The following TMEM161B variants were observed in gnomAD, a reference collection of about 807,000 sequenced individuals.
The protein encoded by TMEM161B is transmembrane protein 161B.
In TMEM161B, 34 loss-of-function variants were observed where a neutral mutation model predicts 61.8. The observed-to-expected ratio is 0.55, with a 90% CI of 0.42 to 0.73. The LOEUF (loss-of-function observed/expected upper bound fraction) is 0.73, where lower values mean the gene tolerates loss of function less well. Ranked by LOEUF, TMEM161B falls within the 30% of genes least tolerant of loss-of-function variation. TMEM161B has a pLI of 0.00. For synonymous variants in TMEM161B, 167 were observed against 192.8 expected (o/e 0.87, Z 1.11); for missense variants, 456 against 558.5 (o/e 0.82, Z 1.85).
At position 88,196,448 on chromosome 5, in the gene TMEM161B, G is replaced by A; in HGVS notation, c.1227C>T (p.Thr409=). The change falls in exon 12 of 12, where the codon ACC becomes ACT. Residue 409 remains threonine (T), a synonymous_variant. Transcript: ENST00000296595. ...ACAGTAGACTATTATCCACTGGTAAGGTAGAGATAGATTCTGGATAAATAC... is the reference window on the plus strand; with the variant it reads ...ACAGTAGACTATTATCCACTGGTAAAGTAGAGATAGATTCTGGATAAATAC... ...SWGIYPESIS[T]LPVDNSLLSN... is the part of the protein sequence containing the mutation. The A allele has an allele frequency of 6.2e-7, 1 of 1,611,624 alleles. No individual in the cohort carries two copies. Among genetic ancestry groups the A allele is most frequent in the African/African-American group, 1.3e-5 (1 of 74,818 alleles).
At chr5:88,215,979 A>G (rs1747748115) in intron 5 of TMEM161B, among the ~76,000 whole-genome samples, 1 of 152,250 alleles carries the variant, frequency 6.6e-6, no homozygotes, top group South Asian at 2.1e-4. Context: ...CAATACTGGC[A>G]GGGCACAAAG....
At position 88,195,671 on chromosome 5, in the gene TMEM161B, T is replaced by C. The variant is rs1215288416; in HGVS notation, c.*540A>G. 1.0e-6 allele frequency: 1 copy of C among 985,026 alleles called. No homozygotes were observed. The highest frequency in any genetic ancestry group is 6.2e-5 in the Admixed American group (1 of 16,232). The allele number at this position is 985,026 out of a possible 1,614,324, so 61.0% of individuals were successfully genotyped here. On this transcript the variant is annotated 3_prime_UTR_variant, in exon 12 of 12. Coordinates refer to ENST00000296595, the MANE Select transcript of TMEM161B (RefSeq NM_153354.5). Reference sequence around the variant, plus strand: ...ATCTCCATTAAATTTAAAATAACTATGCAGCTTTCTTTACTGTAATATACA... The same window carrying C: ...ATCTCCATTAAATTTAAAATAACTACGCAGCTTTCTTTACTGTAATATACA...
intron 5 of TMEM161B, among the ~76,000 whole-genome samples, 193 bp downstream of exon 5, chr5:88,220,370 C>A (rs764493181): frequency 1.8e-4 from 27 of 151,898 alleles, no homozygotes; most frequent in Non-Finnish European, 3.2e-4. Context: ...AAAAGCAGGG[C>A]ACTGGCATTT....
intron 9 of TMEM161B, chr5:88,201,809 G>A (rs373066900): frequency 1.7e-4 from 27 of 162,346 alleles, no homozygotes; most frequent in South Asian, 1.6e-3. Flanking sequence ...TGTCGGCGGC[G>A]GGGAAGCATT....
intron 1 of TMEM161B, among the ~76,000 whole-genome samples, chr5:88,245,442 T>A (rs1361209660): frequency 6.6e-6 from 1 of 151,870 alleles, no homozygotes; most frequent in African/African-American, 2.4e-5. Context: ...GATTACAGAC[T>A]TAAAAGCAAG....
At chr5:88,190,021 G>A (rs1449819249) in exon 13 of TMEM161B, 17 of 700,032 alleles carry the variant, frequency 2.4e-5, no homozygotes, top group African/African-American at 5.2e-5. Flanking sequence ...GAGCCGATCC[G>A]TAAGGGCAGT....
downstream of TMEM161B, among the ~76,000 whole-genome samples, chr5:88,185,874 G>A (rs987233457): frequency 6.6e-6 from 1 of 152,168 alleles, no homozygotes; most frequent in African/African-American, 2.4e-5. Flanking sequence ...ACCAAAAAAT[G>A]TTTGTATTGC....
intron 5 of TMEM161B, among the ~76,000 whole-genome samples, chr5:88,211,806 G>A (rs1250732651): frequency 6.7e-6 from 1 of 149,654 alleles, no homozygotes; most frequent in Non-Finnish European, 1.5e-5. Context: ...AACTGATGAT[G>A]AGAGGTTAAT....
chr5:88,218,812 T>C (rs1391017139), intron 5 of TMEM161B, among the ~76,000 whole-genome samples: 2 of 152,182 alleles, frequency 1.3e-5, no homozygotes, highest in Non-Finnish European at 2.9e-5. Context: ...AAGGAAAAAT[T>C]AATTCTTAGG....
chr5:88,218,406 G>C (rs1748305956), intron 5 of TMEM161B, among the ~76,000 whole-genome samples: 1 of 151,976 alleles, frequency 6.6e-6, no homozygotes, highest in South Asian at 2.1e-4. Context: ...CCCTAAATAA[G>C]GCACATCATC....
chr5:88,213,998 T>C (rs1385561181), intron 5 of TMEM161B, among the ~76,000 whole-genome samples: 1 of 152,150 alleles, frequency 6.6e-6, no homozygotes, highest in Non-Finnish European at 1.5e-5. Context: ...GTTAAAGCCT[T>C]TGAAGGAATT....
Position 88,268,719 on chromosome 5 carries a change from A to C in TMEM161B, c.3+2T>G. ...CACTCCTGCCCTCACAGAAGAACTC[A>C]CCATGGCGCCTAGGATAGGTCGTGG... On this transcript the variant is annotated splice_donor_variant, in intron 1 of 11. Coordinates refer to ENST00000296595, the MANE Select transcript of TMEM161B (RefSeq NM_153354.5). LOFTEE classifies it high-confidence loss of function. 1.2e-6 allele frequency: 2 copies of C among 1,613,882 alleles called. No individual in the cohort carries two copies. The highest frequency in any genetic ancestry group is 8.5e-7 in the Non-Finnish European group (1 of 1,179,912).
At chr5:88,213,419 G>A (rs1324591123) in intron 5 of TMEM161B, among the ~76,000 whole-genome samples, 1 of 151,906 alleles carries the variant, frequency 6.6e-6, no homozygotes, top group Non-Finnish European at 1.5e-5. Flanking sequence ...AATTCCCTTA[G>A]ATATAAGCAA....
At chr5:88,255,986 T>C (rs754456146) in intron 1 of TMEM161B, among the ~76,000 whole-genome samples, 8 of 152,162 alleles carry the variant, frequency 5.3e-5, no homozygotes, top group Non-Finnish European at 8.8e-5. Context: ...TATAAAGTCA[T>C]TTATCAGATT....
At chr5:88,201,036 T>C (rs1310942413) in intron 9 of TMEM161B, 1 of 137,536 alleles carries the variant, frequency 7.3e-6, no homozygotes, top group Admixed American at 7.8e-5. Context: ...ATCTATCACA[T>C]GCATTTTAGA....
Position 88,220,599 on chromosome 5 carries a change from C to CTGA in TMEM161B, c.407_409dup (p.Ile136dup). 6.3e-7 allele frequency: 1 copy of CTGA among 1,596,032 alleles called. No individual in the cohort carries two copies. The highest frequency in any genetic ancestry group is 8.5e-7 in the Non-Finnish European group (1 of 1,174,676). On this transcript the variant is annotated inframe_insertion, in exon 5 of 12. Transcript: ENST00000296595. The stretch of plus-strand genomic sequence containing the variant: ...CAAAACAAGTAGGCACCAGACTAAG[C>CTGA]TGATATTCATTTCCTGTGTAGGCTT...
At chr5:88,230,433 T>A (rs1750800838) in intron 2 of TMEM161B, among the ~76,000 whole-genome samples, 1 of 152,128 alleles carries the variant, frequency 6.6e-6, no homozygotes, top group Admixed American at 6.5e-5. Flanking sequence ...TTCTATCTAC[T>A]CCTTGTATAC....
At chr5:88,190,000 G>A (rs1580270381) in exon 13 of TMEM161B, 1 of 695,722 alleles carries the variant, frequency 1.4e-6, no homozygotes, top group East Asian at 2.7e-5. Context: ...ACAAACGCCA[G>A]CCCATTATCT....
intron 5 of TMEM161B, among the ~76,000 whole-genome samples, chr5:88,217,586 TG>T (rs1377297382): frequency 1.1e-5 from 1 of 88,928 alleles, no homozygotes; most frequent in Non-Finnish European, 2.2e-5. Flanking sequence ...GAGGGGGTGG[TG>T]GGGGGTAATA....
Sources: gnomAD v4.1 joint callset for allele counts (sites outside exome capture counted in the v4.1 genomes callset) on GRCh38, gnomAD v4.1.1 for gene constraint, MANE v1.5 for transcripts, NCBI Gene and HGNC (gene_info 2026-07-23, HGNC 2026-07-21) for gene names.